Variants in NEK10 observed in about 807,000 individuals in gnomAD.
NEK10 encodes NIMA related kinase 10.
Under a neutral mutation model 159.8 loss-of-function variants are expected in NEK10, and 122 were observed. That is an observed-to-expected ratio of 0.76 (90% confidence interval 0.66 to 0.89). NEK10 has a LOEUF of 0.89. Among genes scored for constraint, NEK10 ranks in the 40% least tolerant of loss-of-function variants. NEK10 has a pLI of 0.00. For missense variants in NEK10, 1,342 were observed against 1,323.1 expected (o/e 1.01, Z -0.22); for synonymous variants, 466 against 457.1 (o/e 1.02, Z -0.25).
chr3:27,166,571 G>C (rs372768509), intron 29 of NEK10, among the ~76,000 whole-genome samples: 6 of 152,146 alleles, frequency 3.9e-5, no homozygotes, highest in African/African-American at 1.4e-4. Flanking sequence ...GCTTTTAAGA[G>C]GCAAGATCCA....
Position 27,201,580 on chromosome 3 carries a change from T to G in NEK10, c.2221A>C (p.Ile741Leu). ...ACTGGTTCATATACCGCCTCCACTA[T>G]CTGCAAAACAAACAGACTAGAGTGA... ...STNMLSLATK[I>L]VEAVYEPVPE... The change falls in exon 25 of 36, where the codon ATA becomes CTA. Residue 741 changes from isoleucine to leucine, a missense_variant and splice_region_variant. Transcript: ENST00000691995. 1 of 1,613,232 alleles carries G rather than the reference T, an allele frequency of 6.2e-7. No homozygotes were observed. Among genetic ancestry groups the G allele is most frequent in the Non-Finnish European group, 8.5e-7 (1 of 1,179,312 alleles).
chr3:27,304,572 A>T (rs559333485), intron 12 of NEK10, among the ~76,000 whole-genome samples, 175 bp downstream of exon 12: 1 of 152,300 alleles, frequency 6.6e-6, no homozygotes, highest in South Asian at 2.1e-4. Flanking sequence ...AATGCCCCTG[A>T]CATTGATTTA....
chr3:27,361,515 C>T (rs1441920047), intron 1 of NEK10, among the ~76,000 whole-genome samples: 2 of 152,092 alleles, frequency 1.3e-5, no homozygotes, highest in Non-Finnish European at 2.9e-5. Flanking sequence ...TATTCTATTT[C>T]CTGATTTTGT....
At position 27,161,942 on chromosome 3, in the gene NEK10, T is replaced by C. The variant is rs188554653; in HGVS notation, c.2869+759A>G. 4.8e-3 allele frequency among the ~76,000 whole-genome samples: 733 copies of C among 151,958 alleles called. 10 individuals carry two copies. The highest frequency in any genetic ancestry group is 0.015 in the Admixed American group (224 of 15,252). On this transcript the variant is annotated intron_variant, in intron 30 of 35. Coordinates refer to ENST00000691995, the MANE Select transcript of NEK10 (RefSeq NM_001394966.1). Reference sequence around the variant, plus strand: ...ATCACTTGAACCTGGGAGGTGAAGGTTGCAGTGAGCCGAGATCGTGCCACT... The same window carrying C: ...ATCACTTGAACCTGGGAGGTGAAGGCTGCAGTGAGCCGAGATCGTGCCACT...
chr3:27,240,653 T>C (rs906092271), intron 23 of NEK10, among the ~76,000 whole-genome samples: 4 of 85,416 alleles, frequency 4.7e-5, no homozygotes, highest in South Asian at 3.2e-4. Context: ...TACTATCTCA[T>C]CTTTTTTTTT....
chr3:27,215,902 G>A (rs779340621), intron 23 of NEK10: 2 of 690,372 alleles, frequency 2.9e-6, no homozygotes, highest in South Asian at 1.6e-5. Flanking sequence ...CAGATCACAC[G>A]AAAACTCACC....
chr3:27,258,795 C>A (rs1390774072), intron 22 of NEK10, among the ~76,000 whole-genome samples: 2 of 152,200 alleles, frequency 1.3e-5, no homozygotes, highest in Non-Finnish European at 2.9e-5. Flanking sequence ...AATCGCCACA[C>A]TGACTTCCAC....
At chr3:27,316,599 A>T (rs145237586) in intron 6 of NEK10, among the ~76,000 whole-genome samples, 2 of 152,298 alleles carry the variant, frequency 1.3e-5, no homozygotes, top group African/African-American at 4.8e-5. Flanking sequence ...GAGTGGGAAG[A>T]CACCAAGGAA....
At chr3:27,254,100 C>G (rs750115386) in intron 23 of NEK10, among the ~76,000 whole-genome samples, 6 of 152,182 alleles carry the variant, frequency 3.9e-5, no homozygotes, top group African/African-American at 1.4e-4. Flanking sequence ...TCCTGTACAC[C>G]AAGCTAGTCC....
intron 16 of NEK10, among the ~76,000 whole-genome samples, chr3:27,293,315 C>T (rs1237557571): frequency 2.6e-5 from 4 of 152,124 alleles, no homozygotes; most frequent in South Asian, 2.1e-4. Flanking sequence ...AAAAAGAAAG[C>T]TAAAATCACA....
At chr3:27,200,127 A>AT (rs1169276875) in intron 25 of NEK10, among the ~76,000 whole-genome samples, 4 of 152,194 alleles carry the variant, frequency 2.6e-5, no homozygotes, top group Non-Finnish European at 5.9e-5. Flanking sequence ...AAAAAAATCA[A>AT]TTAAAAAAAT....
intron 1 of NEK10, among the ~76,000 whole-genome samples, chr3:27,353,196 T>C (rs554335260): frequency 6.6e-6 from 1 of 152,320 alleles, no homozygotes; most frequent in East Asian, 1.9e-4. Flanking sequence ...TTTTTCTTAA[T>C]CAATTTCTAA....
intron 30 of NEK10, among the ~76,000 whole-genome samples, chr3:27,143,021 A>G (rs548561228): frequency 6.6e-6 from 1 of 152,312 alleles, no homozygotes; most frequent in South Asian, 2.1e-4. Flanking sequence ...TACCCTTGGG[A>G]TAAAAATGTA....
At chr3:27,313,901 G>A (rs567873823) in intron 7 of NEK10, among the ~76,000 whole-genome samples, 1 of 152,058 alleles carries the variant, frequency 6.6e-6, no homozygotes, top group African/African-American at 2.4e-5. Flanking sequence ...TAGTAGAGAC[G>A]GGGTTTCACC....
At chr3:27,141,442 C>T in intron 31 of NEK10, 40 bp downstream of exon 31, 1 of 1,460,282 alleles carries the variant, frequency 6.8e-7, no homozygotes, top group Non-Finnish European at 9.5e-7. Flanking sequence ...ACCAAACTTG[C>T]ATTTAAGATG....
chr3:27,227,595 A>G (rs1952769808), intron 23 of NEK10, among the ~76,000 whole-genome samples: 1 of 152,026 alleles, frequency 6.6e-6, no homozygotes, highest in Non-Finnish European at 1.5e-5. Flanking sequence ...GCTGTTCCCT[A>G]CTGACATGGT....
At chr3:27,172,134 C>T (rs1331048927) in intron 28 of NEK10, among the ~76,000 whole-genome samples, 5 of 151,724 alleles carry the variant, frequency 3.3e-5, no homozygotes, top group African/African-American at 7.3e-5. Flanking sequence ...GTCAAGAGAG[C>T]GAGACCTTCC....
Position 27,212,652 on chromosome 3 carries a change from A to G in NEK10, c.2091-10095T>C, listed in dbSNP as rs145746876. Among the ~76,000 whole-genome samples, 191 of 152,364 alleles carry G rather than the reference A, an allele frequency of 1.3e-3. 1 individual carries two copies. The highest frequency in any genetic ancestry group is 4.4e-3 in the African/African-American group (185 of 41,588). On this transcript the variant is annotated intron_variant, in intron 23 of 35. Coordinates refer to ENST00000691995, the MANE Select transcript of NEK10 (RefSeq NM_001394966.1). ...AATGTGTGAGTTCTCACAATTAGTG[A>G]TTTATTCTTCTATGTTATATAGTAG... is the stretch of plus-strand genomic sequence containing the variant.
In NEK10 at chr3:27,111,155, C is replaced by T. The variant is rs1939477701; in HGVS notation, c.*117G>A. 2.2e-6 allele frequency: 2 copies of T among 899,266 alleles called. No homozygotes were observed. The highest frequency in any genetic ancestry group is 4.6e-5 in the Admixed American group (2 of 43,470). 55.7% of individuals were successfully genotyped at this position (899,266 alleles called of 1,614,324 possible). ...AGAAGTCCTGCAGGCCCCATGGCATCTTGGTCTTTTCCACACCCTCTAGCA... is the reference window on the plus strand; with the variant it reads ...AGAAGTCCTGCAGGCCCCATGGCATTTTGGTCTTTTCCACACCCTCTAGCA... On this transcript the variant is annotated 3_prime_UTR_variant, in exon 36 of 36. Transcript: ENST00000691995.
Sources: allele counts gnomAD v4.1 joint callset (sites outside exome capture counted in the v4.1 genomes callset), GRCh38; gene constraint gnomAD v4.1.1; transcripts MANE v1.5; gene names NCBI Gene and HGNC (gene_info 2026-07-23, HGNC 2026-07-21).